The following SPIN1 variants were observed in gnomAD, a reference collection of about 807,000 sequenced individuals.
SPIN1 encodes the protein spindlin 1.
Under a neutral mutation model 26.0 loss-of-function variants are expected in SPIN1, and 3 were observed. The observed-to-expected ratio is 0.12, with a 90% CI of 0.05 to 0.30. The LOEUF (loss-of-function observed/expected upper bound fraction) is 0.30. Among genes scored for constraint, SPIN1 ranks in the 10% least tolerant of loss-of-function variants. The probability of loss-of-function intolerance (pLI) is 1.00; values close to 1 mark genes in which losing one functional copy is unlikely to be tolerated. For missense variants in SPIN1, 126 were observed against 333.4 expected (o/e 0.38, Z 4.84); for synonymous variants, 101 against 116.5 (o/e 0.87, Z 0.86).
chr9:88,461,655 A>G lies in SPIN1; in HGVS notation c.102-841A>G, dbSNP rs561238925. On this transcript the variant is annotated intron_variant, in intron 3 of 5. Transcript: ENST00000375859. ...AAACTGTGGGAAGGGAATTCCTTTC[A>G]GGTCTTTTTGTTCTTGGCGTATATC... Among the ~76,000 whole-genome samples, 32 of 152,268 alleles carry G rather than the reference A, an allele frequency of 2.1e-4. No homozygotes were observed. In the South Asian group the frequency reaches 6.6e-3, roughly 31 times the overall value.
At chr9:88,450,774 TTC>T (rs1828338944) in intron 3 of SPIN1, among the ~76,000 whole-genome samples, 1 of 152,224 alleles carries the variant, frequency 6.6e-6, no homozygotes, top group South Asian at 2.1e-4. Context: ...CATTTTCCTA[TTC>T]TCAATGTGAA....
At chr9:88,435,483 A>G (rs964422773) in intron 2 of SPIN1, among the ~76,000 whole-genome samples, 1 of 152,134 alleles carries the variant, frequency 6.6e-6, no homozygotes, top group African/African-American at 2.4e-5. Flanking sequence ...CTTACCAGCA[A>G]TAAAATATGT....
intron 1 of SPIN1, among the ~76,000 whole-genome samples, chr9:88,394,556 A>G (rs1430113856): frequency 6.6e-6 from 1 of 152,192 alleles, no homozygotes. Context: ...CATTCTTAGC[A>G]ACATTAATAT....
intron 3 of SPIN1, among the ~76,000 whole-genome samples, chr9:88,454,608 T>G (rs967242313): frequency 2.6e-5 from 4 of 152,210 alleles, no homozygotes; most frequent in Admixed American, 2.6e-4. Flanking sequence ...TAAATATACA[T>G]AAAAATATAG....
At chr9:88,458,688 TGAG>T (rs559182993) in intron 3 of SPIN1, among the ~76,000 whole-genome samples, 25 of 152,160 alleles carry the variant, frequency 1.6e-4, no homozygotes, top group Non-Finnish European at 3.5e-4. Flanking sequence ...GAAAAACACA[TGAG>T]GAGGGAAGCG....
chr9:88,414,277 T>C (rs540652374), intron 1 of SPIN1, among the ~76,000 whole-genome samples: 2 of 152,298 alleles, frequency 1.3e-5, no homozygotes, highest in African/African-American at 2.4e-5. Flanking sequence ...TGGGCTGTTA[T>C]CCTGGGGCTC....
chr9:88,418,756 C>A (rs1000983714), intron 1 of SPIN1: 2 of 152,144 alleles, frequency 1.3e-5, no homozygotes, highest in African/African-American at 4.8e-5. Flanking sequence ...TTGAAGCAAT[C>A]TATGTGTTTA....
At chr9:88,410,404 A>G (rs1340375743) in intron 1 of SPIN1, 6 of 565,816 alleles carry the variant, frequency 1.1e-5, no homozygotes, top group African/African-American at 1.9e-5. Context: ...TGTCTAAAAC[A>G]TGTCTTCTTT....
In SPIN1 at chr9:88,475,857, C is replaced by T. The variant is rs927126140; in HGVS notation, c.*580C>T. 2.6e-5 allele frequency: 4 copies of T among 151,840 alleles called. No homozygotes were observed. Among genetic ancestry groups the T allele is most frequent in the Admixed American group, 1.3e-4 (2 of 15,228 alleles). 9.4% of individuals were successfully genotyped at this position (151,840 alleles called of 1,614,324 possible). The stretch of plus-strand genomic sequence containing the variant: ...GTCAGTCATGGATATGATATCACTG[C>T]TCTTTATTTAAAAGTAAACTTTGGG... On this transcript the variant is annotated 3_prime_UTR_variant, in exon 6 of 6. Coordinates refer to ENST00000375859, the MANE Select transcript of SPIN1 (RefSeq NM_006717.3).
At chr9:88,409,782 G>T (rs1827397604) in intron 1 of SPIN1, among the ~76,000 whole-genome samples, 1 of 151,472 alleles carries the variant, frequency 6.6e-6, no homozygotes, top group Non-Finnish European at 1.5e-5. Context: ...AGCTTGCAGT[G>T]AGCTGAGATC....
chr9:88,445,404 G>A (rs10120200), intron 2 of SPIN1, among the ~76,000 whole-genome samples: 1 of 151,794 alleles, frequency 6.6e-6, no homozygotes, highest in Non-Finnish European at 1.5e-5. Flanking sequence ...TGAACATGCT[G>A]GGTGAAGTGG....
chr9:88,438,160 A>C (rs1167376870), intron 2 of SPIN1, among the ~76,000 whole-genome samples: 1 of 152,194 alleles, frequency 6.6e-6, no homozygotes, highest in Non-Finnish European at 1.5e-5. Context: ...CAAAAAAAAA[A>C]AAAAGATTTT....
chr9:88,423,480 C>T (rs1827709779), intron 1 of SPIN1, among the ~76,000 whole-genome samples: 2 of 151,916 alleles, frequency 1.3e-5, no homozygotes, highest in Non-Finnish European at 2.9e-5. Context: ...GCTCTGTCAC[C>T]CAGGCTGTAG....
intron 2 of SPIN1, among the ~76,000 whole-genome samples, chr9:88,441,757 AAAAT>A (rs759976807): frequency 4.9e-4 from 73 of 150,176 alleles, no homozygotes; most frequent in Admixed American, 8.6e-4. Flanking sequence ...CCCTGTCTAA[AAAAT>A]AAATAAATAA....
At chr9:88,407,955 T>C (rs185206512) in intron 1 of SPIN1, among the ~76,000 whole-genome samples, 3 of 151,800 alleles carry the variant, frequency 2.0e-5, no homozygotes, top group Admixed American at 6.6e-5. Flanking sequence ...TACAGACAGA[T>C]AGGGTTTCGC....
At chr9:88,439,805 CTT>C (rs1259258424) in intron 2 of SPIN1, among the ~76,000 whole-genome samples, 1 of 152,132 alleles carries the variant, frequency 6.6e-6, no homozygotes, top group African/African-American at 2.4e-5. Flanking sequence ...TTCCCACTTT[CTT>C]TTGATTATTG....
chr9:88,412,648 A>G (rs945525736), intron 1 of SPIN1, among the ~76,000 whole-genome samples: 1 of 152,008 alleles, frequency 6.6e-6, no homozygotes, highest in East Asian at 1.9e-4. Flanking sequence ...AAATATTACT[A>G]CCCTGTTAAA....
intron 1 of SPIN1, among the ~76,000 whole-genome samples, chr9:88,423,880 C>T (rs1040070858): frequency 6.6e-6 from 1 of 152,144 alleles, no homozygotes; most frequent in Non-Finnish European, 1.5e-5. Context: ...ATTCTCCTGC[C>T]TCAGCATCTC....
intron 1 of SPIN1, among the ~76,000 whole-genome samples, chr9:88,396,148 A>G (rs1289504219): frequency 6.6e-6 from 1 of 151,468 alleles, no homozygotes; most frequent in Non-Finnish European, 1.5e-5. Flanking sequence ...ACTCCTCATG[A>G]GAGTCACTTG....
Sources: allele counts gnomAD v4.1 joint callset (sites outside exome capture counted in the v4.1 genomes callset), GRCh38; gene constraint gnomAD v4.1.1; transcripts MANE v1.5; gene names NCBI Gene and HGNC (gene_info 2026-07-23, HGNC 2026-07-21).